The following RELN variants were observed in gnomAD, a reference collection of about 807,000 sequenced individuals.
RELN encodes reelin.
RELN carries 108 observed loss-of-function variants against 427.6 expected under a neutral mutation model. That is an observed-to-expected ratio of 0.25 (90% CI 0.22 to 0.30). The LOEUF (loss-of-function observed/expected upper bound fraction) is 0.30. Ranked by LOEUF, RELN falls within the 10% of genes least tolerant of loss-of-function variation. RELN has a pLI of 1.00. For synonymous variants in RELN, 1,524 were observed against 1,513.4 expected, an observed-to-expected ratio of 1.01 and a Z score of -0.16; for missense variants, 3,715 against 4,302.8, an observed-to-expected ratio of 0.86 and a Z score of 3.82.
chr7:103,949,460 G>C (rs745610172), intron 1 of RELN, among the ~76,000 whole-genome samples: 1 of 151,876 alleles, frequency 6.6e-6, no homozygotes, highest in South Asian at 2.1e-4. Flanking sequence ...GGTCATAAAC[G>C]AGGAGCCCTC....
chr7:103,788,375 A>G (rs1792073108), intron 3 of RELN, among the ~76,000 whole-genome samples: 1 of 152,188 alleles, frequency 6.6e-6, no homozygotes, highest in African/African-American at 2.4e-5. Context: ...AGGGTATTCA[A>G]TTAGGAAAAG....
chr7:103,948,508 A>G (rs1033787536), intron 1 of RELN, among the ~76,000 whole-genome samples: 3 of 152,100 alleles, frequency 2.0e-5, no homozygotes, highest in Admixed American at 1.3e-4. Context: ...CCCCGTCTCT[A>G]CTAAAAATAC....
chr7:103,803,888 A>G (rs983176754), intron 3 of RELN, among the ~76,000 whole-genome samples: 1 of 152,088 alleles, frequency 6.6e-6, no homozygotes, highest in African/African-American at 2.4e-5. Flanking sequence ...GGTTCACTAG[A>G]TATTTTTAAA....
chr7:103,648,658 C>T, intron 16 of RELN, among the ~76,000 whole-genome samples: 1 of 152,072 alleles, frequency 6.6e-6, no homozygotes, highest in East Asian at 1.9e-4. Flanking sequence ...AGACAACCTA[C>T]AGATTGGGAG....
chr7:103,820,201 GATTT>G (rs1792979891), intron 3 of RELN, among the ~76,000 whole-genome samples: 1 of 151,790 alleles, frequency 6.6e-6, no homozygotes, highest in African/African-American at 2.4e-5. Flanking sequence ...AATTTATTTG[GATTT>G]ATTTATAAAA....
At chr7:103,556,948 T>C (rs1830535961) in intron 38 of RELN, 29 bp downstream of exon 38, 1 of 1,566,474 alleles carries the variant, frequency 6.4e-7, no homozygotes, top group Admixed American at 1.7e-5. Flanking sequence ...CTATCAGTTC[T>C]GATCACAGGA....
At chr7:103,858,838 G>A (rs913182960) in intron 2 of RELN, among the ~76,000 whole-genome samples, 1 of 152,144 alleles carries the variant, frequency 6.6e-6, no homozygotes, top group African/African-American at 2.4e-5. Context: ...CCAATGAATT[G>A]AGTCTTTTAT....
chr7:103,823,789 C>T (rs1430455205), intron 3 of RELN, among the ~76,000 whole-genome samples: 1 of 152,066 alleles, frequency 6.6e-6, no homozygotes, highest in Non-Finnish European at 1.5e-5. Flanking sequence ...TATCCTACAC[C>T]TTCCTTCTGG....
intron 46 of RELN, among the ~76,000 whole-genome samples, chr7:103,528,453 C>T (rs1292573419): frequency 2.0e-5 from 3 of 149,764 alleles, no homozygotes; most frequent in East Asian, 1.9e-4. Flanking sequence ...TCTAAAATTA[C>T]ACTGTGGTGA....
rs184201124 is a variant in RELN at position 103,741,373 on chromosome 7, T to C, written c.656+8053A>G. On this transcript the variant is annotated intron_variant, in intron 6 of 64. Transcript: ENST00000428762. The stretch of plus-strand genomic sequence containing the variant: ...TTTTCATCAATATATATTCCATAGA[T>C]TTTATAATATAAATATATTTAATTT... Among the ~76,000 whole-genome samples, 86 of 152,024 alleles carry C rather than the reference T, an allele frequency of 5.7e-4. No homozygotes were observed. The East Asian group carries it at 0.016, about 28-fold the overall frequency.
intron 61 of RELN, chr7:103,484,245 G>C: frequency 4.6e-6 from 1 of 215,056 alleles, no homozygotes; most frequent in Non-Finnish European, 9.5e-6. Context: ...ATCTTTTCTT[G>C]TTCCTAAAGT....
intron 8 of RELN, among the ~76,000 whole-genome samples, chr7:103,721,915 A>G (rs1270267846): frequency 2.0e-5 from 3 of 152,112 alleles, no homozygotes; most frequent in African/African-American, 7.2e-5. Context: ...TAGCACCACA[A>G]CTCTTTAAAA....
intron 2 of RELN, among the ~76,000 whole-genome samples, chr7:103,914,436 A>G (rs1795437991): frequency 6.6e-6 from 1 of 152,090 alleles, no homozygotes; most frequent in Non-Finnish European, 1.5e-5. Context: ...TCCCAGATTA[A>G]TTACATTTCA....
chr7:103,492,073 C>G, intron 57 of RELN, 47 bp from the exon 58 acceptor site: 1 of 1,399,470 alleles, frequency 7.1e-7, no homozygotes, highest in South Asian at 1.2e-5. Context: ...TTAGATGATA[C>G]TGAATTCCAT....
intron 4 of RELN, among the ~76,000 whole-genome samples, chr7:103,770,643 T>A (rs1791543608): frequency 9.4e-6 from 1 of 106,606 alleles, no homozygotes. Flanking sequence ...CTTTCCTTAT[T>A]TTTTTTAAAA....
At chr7:103,977,975 T>A (rs1471625764) in intron 1 of RELN, among the ~76,000 whole-genome samples, 1 of 152,168 alleles carries the variant, frequency 6.6e-6, no homozygotes, top group African/African-American at 2.4e-5. Context: ...CTAATAACCA[T>A]CCTTAAATTC....
At chr7:103,804,807 G>C (rs1792556375) in intron 3 of RELN, among the ~76,000 whole-genome samples, 1 of 152,124 alleles carries the variant, frequency 6.6e-6, no homozygotes, top group Non-Finnish European at 1.5e-5. Context: ...ACATTATTCA[G>C]TGAGGAGTGG....
At chr7:103,903,286 T>TTC (rs1795122223) in intron 2 of RELN, among the ~76,000 whole-genome samples, 1 of 151,950 alleles carries the variant, frequency 6.6e-6, no homozygotes, top group Admixed American at 6.6e-5. Flanking sequence ...TTTTTTTTTT[T>TTC]TCCTCAATTC....
At chr7:103,904,603 T>G (rs1390075087) in intron 2 of RELN, among the ~76,000 whole-genome samples, 1 of 152,142 alleles carries the variant, frequency 6.6e-6, no homozygotes, top group Non-Finnish European at 1.5e-5. Flanking sequence ...GACATGAAAA[T>G]TTTATTAAGG....
Sources: allele counts gnomAD v4.1 joint callset (sites outside exome capture counted in the v4.1 genomes callset), GRCh38; gene constraint gnomAD v4.1.1; transcripts MANE v1.5; gene names NCBI Gene and HGNC (gene_info 2026-07-23, HGNC 2026-07-21).